Variants in ADGRB3 observed in about 807,000 individuals in gnomAD.
The protein encoded by ADGRB3 is brain-specific angiogenesis inhibitor 3.
ADGRB3 carries 37 observed loss-of-function variants against 193.4 expected under a neutral mutation model. The ratio of observed to expected loss-of-function variants is 0.19; its 90% CI spans 0.15 to 0.25. The LOEUF (loss-of-function observed/expected upper bound fraction) is 0.25, where lower values mean the gene tolerates loss of function less well. ADGRB3 is among the 10% of genes least tolerant of loss of function. The probability of loss-of-function intolerance (pLI) is 1.00; values close to 1 mark genes in which losing one functional copy is unlikely to be tolerated. For missense variants in ADGRB3, 1,637 were observed against 1,852.9 expected (o/e 0.88, Z 2.14); for synonymous variants, 690 against 644.2 (o/e 1.07, Z -1.08).
chr6:69,015,981 CAT>C (rs1016528008), intron 12 of ADGRB3, among the ~76,000 whole-genome samples: 2 of 151,872 alleles, frequency 1.3e-5, no homozygotes, highest in African/African-American at 4.8e-5. Context: ...ATTGAAAATT[CAT>C]ATGTCTCTAG....
intron 3 of ADGRB3, among the ~76,000 whole-genome samples, chr6:68,717,901 G>A (rs1447540345): frequency 2.0e-5 from 3 of 151,588 alleles, no homozygotes; most frequent in African/African-American, 7.3e-5. Context: ...AGGCCTGGTA[G>A]AAAGAATAAC....
At chr6:69,092,668 C>G (rs563136762) in intron 17 of ADGRB3, among the ~76,000 whole-genome samples, 2 of 151,940 alleles carry the variant, frequency 1.3e-5, no homozygotes, top group Admixed American at 1.3e-4. Context: ...AAAACAGGAA[C>G]GTAAAGAGAC....
intron 17 of ADGRB3, among the ~76,000 whole-genome samples, chr6:69,161,233 T>A (rs1210271528): frequency 1.3e-5 from 2 of 152,036 alleles, no homozygotes; most frequent in Non-Finnish European, 2.9e-5. Flanking sequence ...ATAATAATAA[T>A]TTAACAGCAT....
At chr6:68,836,344 C>T (rs544712609) in intron 3 of ADGRB3, among the ~76,000 whole-genome samples, 1 of 143,802 alleles carries the variant, frequency 7.0e-6, no homozygotes, top group South Asian at 2.2e-4. Context: ...TACTTCTTCC[C>T]TGCACCATTT....
intron 17 of ADGRB3, among the ~76,000 whole-genome samples, chr6:69,143,564 CAA>C (rs1245213074): frequency 6.6e-6 from 1 of 152,050 alleles, no homozygotes; most frequent in African/African-American, 2.4e-5. Flanking sequence ...TTGTATATGC[CAA>C]GAGACAGGGG....
chr6:69,375,709 A>G lies in ADGRB3; in HGVS notation c.4275+3268A>G, dbSNP rs1346567732. On this transcript the variant is annotated intron_variant, in intron 30 of 31. Transcript: ENST00000370598. ...TTACAGGCATTCATTCTGAAACGCT[A>G]ATAGATAACAGTATCCATGCCATGT... Among the ~76,000 whole-genome samples the G allele has an allele frequency of 3.3e-5, 5 of 152,120 alleles. No homozygotes were observed. The South Asian group carries it at 6.2e-4, about 19-fold the overall frequency.
At chr6:69,012,663 T>G (rs1177910083) in intron 11 of ADGRB3, among the ~76,000 whole-genome samples, 1 of 152,112 alleles carries the variant, frequency 6.6e-6, no homozygotes, top group Non-Finnish European at 1.5e-5. Context: ...ATAGAGGTTA[T>G]GACTCAAACC....
intron 3 of ADGRB3, among the ~76,000 whole-genome samples, chr6:68,777,568 T>C (rs1270671062): frequency 6.7e-6 from 1 of 150,220 alleles, no homozygotes; most frequent in African/African-American, 2.5e-5. Flanking sequence ...TAGAAAGTTA[T>C]AGTGAATGGC....
At chr6:68,825,995 T>C (rs1462152959) in intron 3 of ADGRB3, among the ~76,000 whole-genome samples, 1 of 152,146 alleles carries the variant, frequency 6.6e-6, no homozygotes, top group Non-Finnish European at 1.5e-5. Context: ...TCCCCATTTT[T>C]TTTTTTTGTA....
chr6:68,931,645 C>G (rs546080412), intron 4 of ADGRB3, among the ~76,000 whole-genome samples: 4 of 152,138 alleles, frequency 2.6e-5, no homozygotes, highest in African/African-American at 9.6e-5. Context: ...GAAATTCCCC[C>G]AAGAAATGAA....
chr6:69,104,930 A>G (rs1361534676), intron 17 of ADGRB3, among the ~76,000 whole-genome samples: 5 of 152,194 alleles, frequency 3.3e-5, no homozygotes. Flanking sequence ...GAGACACCGG[A>G]TATCATAATC....
At chr6:68,922,309 A>C (rs1218101279) in intron 3 of ADGRB3, among the ~76,000 whole-genome samples, 1 of 152,184 alleles carries the variant, frequency 6.6e-6, no homozygotes, top group African/African-American at 2.4e-5. Context: ...TTATAAAAAA[A>C]TTTCTGTCTC....
chr6:69,068,065 G>C (rs1218160713), intron 16 of ADGRB3, among the ~76,000 whole-genome samples: 1 of 152,092 alleles, frequency 6.6e-6, no homozygotes, highest in Non-Finnish European at 1.5e-5. Flanking sequence ...TGAACCGATA[G>C]GTGTGGCTGT....
In ADGRB3 at chr6:69,324,940, T is replaced by C. The variant is rs1419215428; in HGVS notation, c.2883T>C (p.Thr961=). 2 of 1,613,846 alleles carry C rather than the reference T, an allele frequency of 1.2e-6. No homozygotes were observed. The highest frequency in any genetic ancestry group is 1.7e-6 in the Non-Finnish European group (2 of 1,179,924). The part of the protein sequence containing the change: ...FFLASFCWVL[T]EAWQSYMAVT... ...TGGCTTCATTCTGTTGGGTTTTGACTGAGGCGTGGCAATCATATATGGCTG... is the reference window on the plus strand; with the variant it reads ...TGGCTTCATTCTGTTGGGTTTTGACCGAGGCGTGGCAATCATATATGGCTG... Residue 961 remains threonine, a synonymous_variant, in exon 21 of 32, where the codon ACT becomes ACC. Coordinates refer to ENST00000370598, the MANE Select transcript of ADGRB3 (RefSeq NM_001704.3).
intron 30 of ADGRB3, among the ~76,000 whole-genome samples, chr6:69,373,503 A>T (rs924342571): frequency 1.3e-5 from 2 of 152,104 alleles, no homozygotes; most frequent in African/African-American, 4.8e-5. Context: ...TCTTTTATCT[A>T]CGATTAAATA....
intron 3 of ADGRB3, among the ~76,000 whole-genome samples, chr6:68,779,596 G>A (rs553080924): frequency 6.6e-6 from 1 of 152,190 alleles, no homozygotes; most frequent in South Asian, 2.1e-4. Flanking sequence ...GTCTGCCTCC[G>A]ACTTTCTAGC....
chr6:69,338,864 TGGTGA>T, intron 24 of ADGRB3, 47 bp from the exon 25 acceptor site: 1 of 1,517,554 alleles, frequency 6.6e-7, no homozygotes, highest in South Asian at 1.2e-5. Flanking sequence ...AATTTTTTTT[TGGTGA>T]CAATTCAATA....
At chr6:68,794,825 A>G (rs971213239) in intron 3 of ADGRB3, among the ~76,000 whole-genome samples, 1 of 152,150 alleles carries the variant, frequency 6.6e-6, no homozygotes, top group African/African-American at 2.4e-5. Context: ...CTTGTCCTGT[A>G]TATGACTATT....
chr6:68,982,736 C>A (rs538707519), intron 10 of ADGRB3, among the ~76,000 whole-genome samples: 1 of 151,980 alleles, frequency 6.6e-6, no homozygotes, highest in South Asian at 2.1e-4. Context: ...AAATGTTTCA[C>A]GAGAAAAAAA....
Sources: allele counts gnomAD v4.1 joint callset (sites outside exome capture counted in the v4.1 genomes callset), GRCh38; gene constraint gnomAD v4.1.1; transcripts MANE v1.5; gene names NCBI Gene and HGNC (gene_info 2026-07-23, HGNC 2026-07-21).